Variants in DOCK1 observed in about 807,000 individuals in gnomAD.
DOCK1 encodes dedicator of cytokinesis protein 1.
DOCK1 carries 138 observed loss-of-function variants against 262.7 expected under a neutral mutation model. That is an observed-to-expected ratio of 0.53 (90% confidence interval 0.46 to 0.61). DOCK1 has a LOEUF of 0.61. Among genes scored for constraint, DOCK1 ranks in the 20% least tolerant of loss-of-function variants. The probability of loss-of-function intolerance (pLI) is 0.00; values close to 1 mark genes in which losing one functional copy is unlikely to be tolerated. For missense variants in DOCK1, 1,908 were observed against 2,370.7 expected (o/e 0.80, Z 4.05); for synonymous variants, 866 against 867.4 (o/e 1.00, Z 0.03).
At chr10:127,375,369 C>T (rs187419366) in intron 35 of DOCK1, among the ~76,000 whole-genome samples, 19 of 152,370 alleles carry the variant, frequency 1.2e-4, no homozygotes, top group African/African-American at 4.6e-4. Context: ...AACACTACTC[C>T]TGCTTTGCTC....
At chr10:126,954,914 C>T (rs2036608164) in intron 1 of DOCK1, among the ~76,000 whole-genome samples, 1 of 152,136 alleles carries the variant, frequency 6.6e-6, no homozygotes, top group Admixed American at 6.5e-5. Flanking sequence ...TGTTCAAGTC[C>T]CCGCTTTCAG....
chr10:127,110,184 G>T (rs1016046529), intron 24 of DOCK1, 64 bp from the exon 25 acceptor site: 23 of 1,373,550 alleles, frequency 1.7e-5, no homozygotes, highest in Non-Finnish European at 2.3e-5. Flanking sequence ...TCTCAGTATT[G>T]TAACAACATT....
At chr10:127,383,206 A>G (rs1355713601) in intron 37 of DOCK1, among the ~76,000 whole-genome samples, 1 of 152,192 alleles carries the variant, frequency 6.6e-6, no homozygotes, top group Non-Finnish European at 1.5e-5. Context: ...AGCAATAAAA[A>G]CTTTAGTTTT....
At chr10:127,426,102 C>T in intron 47 of DOCK1, 91 bp downstream of exon 47, 1 of 1,572,244 alleles carries the variant, frequency 6.4e-7, no homozygotes, top group Non-Finnish European at 8.7e-7. Context: ...CAGAGGAACT[C>T]ACATGTACAC....
chr10:126,995,939 G>T lies in DOCK1; in HGVS notation c.474-809G>T, dbSNP rs2040159602. 6.6e-6 allele frequency among the ~76,000 whole-genome samples: 1 copy of T among 152,268 alleles called. No individual in the cohort carries two copies. Among genetic ancestry groups the T allele is most frequent in the East Asian group, 1.9e-4 (1 of 5,170 alleles). On this transcript the variant is annotated intron_variant, in intron 6 of 51. Transcript: ENST00000623213. This position sits in a 1 kb window ranked among gnomAD's most constrained non-coding sequence, Gnocchi z 5.8. ...TATTGGGGTCAGTGGGGAGTAAAAA[G>T]GTGGTGGATAGATCTCTCCTCCAAG... is the stretch of plus-strand genomic sequence containing the variant.
intron 27 of DOCK1, among the ~76,000 whole-genome samples, chr10:127,146,283 A>G (rs576911400): frequency 8.0e-4 from 122 of 152,350 alleles, no homozygotes; most frequent in South Asian, 1.7e-3. Flanking sequence ...CACAAATAAT[A>G]TGTTGAGATG....
intron 49 of DOCK1, among the ~76,000 whole-genome samples, chr10:127,443,848 C>A (rs1310129049): frequency 6.6e-6 from 1 of 152,088 alleles, no homozygotes; most frequent in Non-Finnish European, 1.5e-5. Context: ...CCTCTGCTCA[C>A]ACCTAGCATG....
chr10:127,397,933 T>G (rs112534114), intron 38 of DOCK1, among the ~76,000 whole-genome samples: 2,960 of 152,130 alleles, frequency 0.019, 27 homozygotes, highest in Middle Eastern at 0.034. Flanking sequence ...ACACAAATAG[T>G]GGCTCCTGGA....
intron 27 of DOCK1, among the ~76,000 whole-genome samples, chr10:127,171,655 G>A (rs2054585397): frequency 1.3e-5 from 2 of 152,150 alleles, no homozygotes; most frequent in Admixed American, 6.5e-5. Flanking sequence ...GTGTTCTCCA[G>A]CTCCTGATTT....
At chr10:127,209,470 C>T (rs2057873891) in intron 27 of DOCK1, among the ~76,000 whole-genome samples, 1 of 152,092 alleles carries the variant, frequency 6.6e-6, no homozygotes, top group South Asian at 2.1e-4. Flanking sequence ...CCTTTGGGCA[C>T]CTGGTGACTT....
chr10:126,956,917 C>G (rs1431752892), intron 1 of DOCK1, among the ~76,000 whole-genome samples: 1 of 152,154 alleles, frequency 6.6e-6, no homozygotes, highest in African/African-American at 2.4e-5. Flanking sequence ...TGGGCATTCT[C>G]TCTAGGGTCC....
At chr10:126,920,196 AGAT>A (rs2033039527) in intron 1 of DOCK1, among the ~76,000 whole-genome samples, 1 of 152,256 alleles carries the variant, frequency 6.6e-6, no homozygotes, top group South Asian at 2.1e-4. Context: ...TATGTTCTTC[AGAT>A]GATTTGGGGA....
chr10:127,342,392 T>C (rs2063473292), intron 30 of DOCK1, among the ~76,000 whole-genome samples: 1 of 152,174 alleles, frequency 6.6e-6, no homozygotes, highest in Admixed American at 6.5e-5. Context: ...TGGGGGTGCC[T>C]GGCTCAGACC....
At chr10:127,422,676 T>G (rs372834125) in intron 46 of DOCK1, among the ~76,000 whole-genome samples, 2 of 152,332 alleles carry the variant, frequency 1.3e-5, no homozygotes, top group East Asian at 3.9e-4. Flanking sequence ...GTATGGATTG[T>G]AAGCCTCATG....
rs368146964 is a variant in DOCK1 at position 127,290,484 on chromosome 10, G to A, written c.3044+33055G>A. Among the ~76,000 whole-genome samples, 34 of 152,230 alleles carry A rather than the reference G, an allele frequency of 2.2e-4. No individual in the cohort carries two copies. The South Asian group carries it at 5.0e-3, about 22-fold the overall frequency. On this transcript the variant is annotated intron_variant, in intron 29 of 51. Coordinates refer to ENST00000623213, the MANE Select transcript of DOCK1 (RefSeq NM_001290223.2). Reference sequence around the variant, plus strand: ...AAATAATACAAAGAGATCCTGTAGCGCCTTCTCTCAGTTTCCTCTAGTGGT... The same window carrying A: ...AAATAATACAAAGAGATCCTGTAGCACCTTCTCTCAGTTTCCTCTAGTGGT...
At chr10:126,958,438 C>T (rs947929360) in intron 1 of DOCK1, among the ~76,000 whole-genome samples, 4 of 152,288 alleles carry the variant, frequency 2.6e-5, no homozygotes, top group Admixed American at 6.5e-5. Flanking sequence ...AGGGAAGTCA[C>T]AGCTCATGGA....
intron 12 of DOCK1, among the ~76,000 whole-genome samples, chr10:127,014,096 C>G (rs1203184818): frequency 1.3e-5 from 2 of 152,258 alleles, no homozygotes; most frequent in African/African-American, 4.8e-5. Flanking sequence ...CCTCCTGTCT[C>G]TTGAGCTCAC....
intron 46 of DOCK1, 149 bp from the exon 47 acceptor site, chr10:127,425,724 TG>T: frequency 1.7e-6 from 2 of 1,202,218 alleles, no homozygotes; most frequent in Non-Finnish European, 2.3e-6. Context: ...TGGTCTTTGG[TG>T]GTAATATGCC....
In DOCK1 at chr10:127,312,014, G is replaced by A. The variant is rs148197432; in HGVS notation, c.3045-26992G>A. ...TGAGTAGCTGGGATTACAGGCCCAC[G>A]CTACCACACCTGGCCAATTTTTGTA... On this transcript the variant is annotated intron_variant, in intron 29 of 51. Transcript: ENST00000623213. Among the ~76,000 whole-genome samples the A allele has an allele frequency of 5.9e-5, 9 of 152,050 alleles. No individual in the cohort carries two copies. In the East Asian group the frequency reaches 1.4e-3, roughly 23 times the overall value.
Sources: gnomAD v4.1 joint callset for allele counts (sites outside exome capture counted in the v4.1 genomes callset) on GRCh38, gnomAD v4.1.1 for gene constraint, Gnocchi (gnomAD v3.1) non-coding constraint, MANE v1.5 for transcripts, NCBI Gene and HGNC (gene_info 2026-07-23, HGNC 2026-07-21) for gene names.